The following PIEZO2 variants were observed in gnomAD, a reference collection of about 807,000 sequenced individuals.
PIEZO2 encodes piezo type mechanosensitive ion channel component 2, also known as piezo-type mechanosensitive ion channel component 2.
In PIEZO2, 172 loss-of-function variants were observed where a neutral mutation model predicts 337.3. That is an observed-to-expected ratio of 0.51 (90% CI 0.45 to 0.58). PIEZO2 has a LOEUF of 0.58. Among genes scored for constraint, PIEZO2 ranks in the 20% least tolerant of loss-of-function variants. The pLI, the probability that PIEZO2 is intolerant of heterozygous loss-of-function variation, is 0.00. For synonymous variants in PIEZO2, 1,251 were observed against 1,228.5 expected (o/e 1.02, Z -0.38); for missense variants, 3,028 against 3,391.3 (o/e 0.89, Z 2.66).
chr18:11,006,230 C>T (rs1421007907), intron 2 of PIEZO2, among the ~76,000 whole-genome samples: 1 of 152,176 alleles, frequency 6.6e-6, no homozygotes, highest in East Asian at 1.9e-4. Flanking sequence ...TGCTTACTTT[C>T]TCAAATGTAA....
At chr18:10,785,100 G>GGGAGA in intron 16 of PIEZO2, 143 bp from the exon 17 acceptor site, 1 of 880,354 alleles carries the variant, frequency 1.1e-6, no homozygotes, top group Non-Finnish European at 1.6e-6. Flanking sequence ...GGTCCAATAT[G>GGGAGA]GCTTTCGTTT....
At chr18:10,889,650 C>T (rs2042701013) in intron 4 of PIEZO2, among the ~76,000 whole-genome samples, 1 of 152,194 alleles carries the variant, frequency 6.6e-6, no homozygotes. Context: ...GCCAAAGAGA[C>T]ATCTACCTGT....
intron 7 of PIEZO2, among the ~76,000 whole-genome samples, chr18:10,816,681 G>T (rs1239921510): frequency 6.6e-6 from 1 of 151,896 alleles, no homozygotes; most frequent in Non-Finnish European, 1.5e-5. Flanking sequence ...AAAAAAATTG[G>T]TGCATCACTG....
intron 2 of PIEZO2, among the ~76,000 whole-genome samples, chr18:10,981,376 G>A (rs1296259749): frequency 6.6e-6 from 1 of 152,044 alleles, no homozygotes; most frequent in Non-Finnish European, 1.5e-5. Flanking sequence ...ATAATATATT[G>A]TATCTAAGTT....
At position 10,677,604 on chromosome 18, in the gene PIEZO2, A is replaced by T; in HGVS notation, c.8081+143T>A. On this transcript the variant is annotated intron_variant, in intron 53 of 55. Transcript: ENST00000674853. This position sits in a 1 kb window ranked among gnomAD's most constrained non-coding sequence, Gnocchi z 4.1. Reference sequence around the variant, plus strand: ...GAGATTAAGTTTCTTTAATCTTGCAAAATGGGGCCTCCAAATAGAAATTAA... The same window carrying T: ...GAGATTAAGTTTCTTTAATCTTGCATAATGGGGCCTCCAAATAGAAATTAA... 1 of 1,015,390 alleles carries T rather than the reference A, an allele frequency of 9.8e-7. No homozygotes were observed. The highest frequency in any genetic ancestry group is 1.4e-6 in the Non-Finnish European group (1 of 694,448). 62.9% of individuals were successfully genotyped at this position (1,015,390 alleles called of 1,614,324 possible). A position where few individuals can be genotyped will look rare whatever the true frequency, so the allele number is the denominator to read the frequency against.
rs1002868505 is a variant in PIEZO2, at chr18:10,766,164, C to A, written c.2947-3066G>T. The stretch of plus-strand genomic sequence containing the variant: ...TCACAGTTCTGTTATCTAAAGAGAT[C>A]ATGATCTCATCATTTTCCTGATGGT... On this transcript the variant is annotated intron_variant, in intron 21 of 55. Transcript: ENST00000674853. The surrounding 1 kb of genome is among the most constrained non-coding windows in gnomAD (Gnocchi z 6.1). Among the ~76,000 whole-genome samples the A allele has an allele frequency of 6.6e-6, 1 of 151,828 alleles. No individual in the cohort carries two copies. The highest frequency in any genetic ancestry group is 1.5e-5 in the Non-Finnish European group (1 of 67,982).
chr18:10,891,939 G>A (rs2042769521), intron 4 of PIEZO2, among the ~76,000 whole-genome samples: 2 of 152,146 alleles, frequency 1.3e-5, no homozygotes, highest in African/African-American at 4.8e-5. Context: ...CTTTAAATAT[G>A]TTTCTTCATG....
At chr18:10,700,339 G>A (rs541661436) in intron 43 of PIEZO2, among the ~76,000 whole-genome samples, 55 of 152,126 alleles carry the variant, frequency 3.6e-4, no homozygotes, top group Admixed American at 5.9e-4. Flanking sequence ...TTATATGAAA[G>A]ATTTATTTTT....
At chr18:10,811,552 T>A (rs750809611) in intron 7 of PIEZO2, among the ~76,000 whole-genome samples, 2 of 152,198 alleles carry the variant, frequency 1.3e-5, no homozygotes, top group African/African-American at 4.8e-5. Flanking sequence ...ACTGTAGATA[T>A]ACAAACAAAT....
intron 5 of PIEZO2, among the ~76,000 whole-genome samples, chr18:10,869,498 T>TTGTTTGTC (rs1479177867): frequency 1.3e-5 from 2 of 152,208 alleles, no homozygotes; most frequent in African/African-American, 4.8e-5. Context: ...AACTTGCTTT[T>TTGTTTGTC]ATAAATCATA....
chr18:11,102,965 T>C lies in PIEZO2; in HGVS notation c.65-36743A>G, dbSNP rs1268463261. Among the ~76,000 whole-genome samples the C allele has an allele frequency of 6.6e-6, 1 of 152,088 alleles. No individual in the cohort carries two copies. On this transcript the variant is annotated intron_variant, in intron 1 of 55. Coordinates refer to ENST00000674853, the MANE Select transcript of PIEZO2 (RefSeq NM_001378183.1). The surrounding 1 kb of genome is among the most constrained non-coding windows in gnomAD (Gnocchi z 5.7). The stretch of plus-strand genomic sequence containing the variant: ...GGGAAGGACTCTCACTGGTCTTCTG[T>C]GGGTCAGGTGTCTCCCCTGAACCAA...
rs1009540062 is a variant in PIEZO2 at position 10,877,702 on chromosome 18, A to G, written c.330-6287T>C. Among the ~76,000 whole-genome samples, 29 of 152,174 alleles carry G rather than the reference A, an allele frequency of 1.9e-4. No homozygotes were observed. Among genetic ancestry groups the G allele is most frequent in the African/African-American group, 6.3e-4 (26 of 41,534 alleles). On this transcript the variant is annotated intron_variant, in intron 4 of 55. Transcript: ENST00000674853. This position sits in a 1 kb window ranked among gnomAD's most constrained non-coding sequence, Gnocchi z 5.3. ...ACGGTAGCAGCATCCTGATGATTTC[A>G]TCTCAGGTTGTCCCCTCTGCCAGCC...
At chr18:10,706,573 T>C (rs1315838906) in intron 40 of PIEZO2, among the ~76,000 whole-genome samples, 2 of 152,230 alleles carry the variant, frequency 1.3e-5, no homozygotes, top group African/African-American at 2.4e-5. Context: ...TGAGTAGTCC[T>C]TTTCCAGAAG....
chr18:11,124,613 C>T (rs2040129458), intron 1 of PIEZO2, among the ~76,000 whole-genome samples: 1 of 152,170 alleles, frequency 6.6e-6, no homozygotes, highest in Non-Finnish European at 1.5e-5. Context: ...CCACCACCAC[C>T]TGCCCCTCTA....
At position 10,763,875 on chromosome 18, in the gene PIEZO2, A is replaced by G. The variant is rs550575075; in HGVS notation, c.2947-777T>C. Reference sequence around the variant, plus strand: ...CGGATTCAACATGGGAGGCAAAATTAGCTGGACTTGATGACTGATTGGCTT... The same window carrying G: ...CGGATTCAACATGGGAGGCAAAATTGGCTGGACTTGATGACTGATTGGCTT... On this transcript the variant is annotated intron_variant, in intron 21 of 55. Coordinates refer to ENST00000674853, the MANE Select transcript of PIEZO2 (RefSeq NM_001378183.1). 5.3e-5 allele frequency among the ~76,000 whole-genome samples: 8 copies of G among 152,328 alleles called. No individual in the cohort carries two copies. In the East Asian group the frequency reaches 1.4e-3, roughly 26 times the overall value.
rs1475459101 is a variant in PIEZO2, at chr18:11,032,372, A to C, written c.160+33755T>G. On this transcript the variant is annotated intron_variant, in intron 2 of 55. Transcript: ENST00000674853. This position sits in a 1 kb window ranked among gnomAD's most constrained non-coding sequence, Gnocchi z 4.9. Reference sequence around the variant, plus strand: ...ATTCATTTCCGTGTCTGCAGACAGAAGGTAATGGCATCTCTCCATTATATC... The same window carrying C: ...ATTCATTTCCGTGTCTGCAGACAGACGGTAATGGCATCTCTCCATTATATC... 6.6e-6 allele frequency among the ~76,000 whole-genome samples: 1 copy of C among 152,204 alleles called. No homozygotes were observed. Among genetic ancestry groups the C allele is most frequent in the Non-Finnish European group, 1.5e-5 (1 of 68,040 alleles).
intron 24 of PIEZO2, among the ~76,000 whole-genome samples, chr18:10,760,146 A>C (rs779126468): frequency 2.0e-5 from 3 of 152,204 alleles, no homozygotes; most frequent in Non-Finnish European, 4.4e-5. Flanking sequence ...ACTTCAGACA[A>C]TAAAGAGAAC....
chr18:10,782,384 T>G (rs1354988015), intron 17 of PIEZO2, among the ~76,000 whole-genome samples: 1 of 94,850 alleles, frequency 1.1e-5, no homozygotes, highest in African/African-American at 4.4e-5. Context: ...TAATATATTA[T>G]AATTATATAT....
chr18:10,968,154 T>C (rs1360672312), intron 3 of PIEZO2, among the ~76,000 whole-genome samples: 1 of 152,196 alleles, frequency 6.6e-6, no homozygotes, highest in Non-Finnish European at 1.5e-5. Flanking sequence ...TCCAGTTTCA[T>C]TCTTCTACCT....
Sources: allele counts gnomAD v4.1 joint callset (sites outside exome capture counted in the v4.1 genomes callset), GRCh38; gene constraint gnomAD v4.1.1; non-coding constraint Gnocchi (gnomAD v3.1); transcripts MANE v1.5; gene names NCBI Gene and HGNC (gene_info 2026-07-23, HGNC 2026-07-21).